SRGAP1: variants seen among roughly 807,000 people sequenced by gnomAD.
SRGAP1 encodes SLIT-ROBO Rho GTPase-activating protein 1.
A neutral mutation model predicts 121.9 loss-of-function variants in SRGAP1; 43 were observed. That is an observed-to-expected ratio of 0.35 (90% CI 0.28 to 0.46). SRGAP1 has a LOEUF of 0.46. Ranked by LOEUF, SRGAP1 falls within the 20% of genes least tolerant of loss-of-function variation. SRGAP1 has a pLI of 1.00. For missense variants in SRGAP1, 1,102 were observed against 1,350.9 expected (o/e 0.82, Z 2.89); for synonymous variants, 447 against 485.4 (o/e 0.92, Z 1.04).
intron 1 of SRGAP1, among the ~76,000 whole-genome samples, chr12:63,948,825 CAT>C (rs56959320): frequency 9.0e-6 from 1 of 110,886 alleles, no homozygotes; most frequent in Non-Finnish European, 1.9e-5. Context: ...ATATGTTTTC[CAT>C]ATATATATTC....
intron 1 of SRGAP1, among the ~76,000 whole-genome samples, chr12:63,954,008 C>A (rs1414582342): frequency 1.3e-5 from 2 of 152,180 alleles, no homozygotes. Context: ...TTCACTAATT[C>A]TCTTTGCTAT....
intron 1 of SRGAP1, among the ~76,000 whole-genome samples, chr12:63,846,622 T>G (rs975425153): frequency 2.0e-5 from 3 of 152,222 alleles, no homozygotes; most frequent in African/African-American, 7.2e-5. Context: ...GAGCTAAGTC[T>G]GTCCCACAGA....
intron 1 of SRGAP1, among the ~76,000 whole-genome samples, chr12:63,909,764 G>A (rs777710937): frequency 1.3e-5 from 2 of 152,202 alleles, no homozygotes; most frequent in Non-Finnish European, 1.5e-5. Context: ...GAGAAACAGA[G>A]CAAACAGGAT....
At chr12:64,098,305 C>A (rs2036197672) in intron 15 of SRGAP1, among the ~76,000 whole-genome samples, 1 of 151,696 alleles carries the variant, frequency 6.6e-6, no homozygotes, top group African/African-American at 2.4e-5. Flanking sequence ...TAGATTTTGC[C>A]TTCTTTTCCC....
At position 64,091,214 on chromosome 12, in the gene SRGAP1, A is replaced by G. The variant is rs2036044609; in HGVS notation, c.1437-62A>G. ...GTGTTTTGTAATATTGATGTGACCTATAGATGTTTCATTTATTGTTTGATT... is the reference window on the plus strand; with the variant it reads ...GTGTTTTGTAATATTGATGTGACCTGTAGATGTTTCATTTATTGTTTGATT... On this transcript the variant is annotated intron_variant, in intron 11 of 21. Coordinates refer to ENST00000355086, the MANE Select transcript of SRGAP1 (RefSeq NM_020762.4). 3 of 1,227,828 alleles carry G rather than the reference A, an allele frequency of 2.4e-6. No individual in the cohort carries two copies. In the Admixed American group the frequency reaches 6.3e-5, roughly 26 times the overall value. The allele number at this position is 1,227,828 out of a possible 1,614,324, so 76.1% of individuals were successfully genotyped here. A position where few individuals can be genotyped will look rare whatever the true frequency, so the allele number is the denominator to read the frequency against.
chr12:64,080,112 G>A lies in SRGAP1; in HGVS notation c.1324-174G>A, dbSNP rs149726915. Reference sequence around the variant, plus strand: ...AGAAAAATTAGCCAGGTGTGGTGGCGGGCGCTTATAATCCCAGCTACTCAG... The same window carrying A: ...AGAAAAATTAGCCAGGTGTGGTGGCAGGCGCTTATAATCCCAGCTACTCAG... On this transcript the variant is annotated intron_variant, in intron 9 of 21. Transcript: ENST00000355086. 4.7e-3 allele frequency among the ~76,000 whole-genome samples: 707 copies of A among 151,808 alleles called. 5 individuals carry two copies. Among genetic ancestry groups the A allele is most frequent in the African/African-American group, 0.013 (523 of 41,398 alleles).
chr12:63,867,762 T>A (rs915221089), intron 1 of SRGAP1, among the ~76,000 whole-genome samples: 1 of 150,770 alleles, frequency 6.6e-6, no homozygotes, highest in Admixed American at 6.6e-5. Flanking sequence ...TAGTGACATT[T>A]AAAAAAAAAT....
At chr12:64,045,414 A>G (rs1413252817) in intron 6 of SRGAP1, among the ~76,000 whole-genome samples, 1 of 151,732 alleles carries the variant, frequency 6.6e-6, no homozygotes, top group East Asian at 1.9e-4. Flanking sequence ...TAGTGATTGG[A>G]GTACTTGGCT....
At chr12:64,042,192 C>G (rs1261586866) in intron 4 of SRGAP1, among the ~76,000 whole-genome samples, 1 of 151,904 alleles carries the variant, frequency 6.6e-6, no homozygotes, top group African/African-American at 2.4e-5. Flanking sequence ...CCAGCATACC[C>G]GGCCTATTTT....
chr12:64,138,737 T>C (rs1192919038), intron 21 of SRGAP1, among the ~76,000 whole-genome samples: 2 of 152,090 alleles, frequency 1.3e-5, no homozygotes, highest in Non-Finnish European at 2.9e-5. Flanking sequence ...TTTCAATTAA[T>C]TACTGACTAC....
chr12:64,079,227 T>C (rs2035792972), intron 9 of SRGAP1, 111 bp downstream of exon 9: 6 of 1,130,860 alleles, frequency 5.3e-6, no homozygotes, highest in Non-Finnish European at 7.6e-6. Flanking sequence ...TAAAATAGAC[T>C]CCTGTCTACC....
intron 17 of SRGAP1, 84 bp downstream of exon 17, chr12:64,112,070 C>T: frequency 9.1e-7 from 1 of 1,093,976 alleles, no homozygotes; most frequent in South Asian, 1.6e-5. Flanking sequence ...AAGAGTTTCC[C>T]ATAAGCCACC....
chr12:64,056,194 C>T (rs2035337810), intron 6 of SRGAP1, among the ~76,000 whole-genome samples: 1 of 152,062 alleles, frequency 6.6e-6, no homozygotes, highest in Non-Finnish European at 1.5e-5. Context: ...TGTCCCAAAC[C>T]CTGCCACTTC....
intron 9 of SRGAP1, 75 bp from the exon 10 acceptor site, chr12:64,080,211 C>A (rs1350355913): frequency 2.3e-6 from 3 of 1,320,964 alleles, no homozygotes; most frequent in South Asian, 2.9e-5. Context: ...CCACTGCACT[C>A]CAGCCTGGGT....
chr12:63,975,954 A>G (rs566019390), intron 1 of SRGAP1, among the ~76,000 whole-genome samples: 1 of 152,302 alleles, frequency 6.6e-6, no homozygotes, highest in South Asian at 2.1e-4. Context: ...ACAACTTACA[A>G]AGAAAACTCT....
chr12:64,026,534 T>A (rs1156279596), intron 4 of SRGAP1, among the ~76,000 whole-genome samples: 4 of 152,162 alleles, frequency 2.6e-5, no homozygotes, highest in African/African-American at 9.7e-5. Context: ...CCTACCATAG[T>A]TTGATAGCGT....
intron 12 of SRGAP1, among the ~76,000 whole-genome samples, chr12:64,093,382 T>C (rs1440197690): frequency 6.6e-6 from 1 of 152,162 alleles, no homozygotes; most frequent in Non-Finnish European, 1.5e-5. Flanking sequence ...TTTAAAAATA[T>C]GAAAACCGAA....
chr12:63,926,929 T>C (rs1041326799), intron 1 of SRGAP1, among the ~76,000 whole-genome samples: 10 of 152,278 alleles, frequency 6.6e-5, no homozygotes, highest in African/African-American at 2.4e-4. Context: ...TTGTCGATAA[T>C]ATTGAAATTA....
chr12:64,148,678 G>T lies in SRGAP1; in HGVS notation c.*6006G>T, dbSNP rs2037087009. ...AAAACAATGTAAGTTGTGCAAGATTGAATATTGATAAGATATAAAGTTTAA... is the reference window on the plus strand; with the variant it reads ...AAAACAATGTAAGTTGTGCAAGATTTAATATTGATAAGATATAAAGTTTAA... On this transcript the variant is annotated 3_prime_UTR_variant, in exon 22 of 22. Coordinates refer to ENST00000355086, the MANE Select transcript of SRGAP1 (RefSeq NM_020762.4). 6.6e-6 allele frequency: 1 copy of T among 152,170 alleles called. No individual in the cohort carries two copies. Among genetic ancestry groups the T allele is most frequent in the Admixed American group, 6.5e-5 (1 of 15,282 alleles). The allele number at this position is 152,170 out of a possible 1,614,324, so 9.4% of individuals were successfully genotyped here.
Sources: allele counts gnomAD v4.1 joint callset (sites outside exome capture counted in the v4.1 genomes callset), GRCh38; gene constraint gnomAD v4.1.1; transcripts MANE v1.5; gene names NCBI Gene and HGNC (gene_info 2026-07-23, HGNC 2026-07-21).